Variants in FGF14 observed in about 807,000 individuals in gnomAD.
The protein encoded by FGF14 is fibroblast growth factor 14.
In FGF14, 5 loss-of-function variants were observed where a neutral mutation model predicts 25.5. The observed-to-expected ratio is 0.20, with a 90% CI of 0.10 to 0.41. The LOEUF is 0.41. FGF14 is among the 10% of genes least tolerant of loss of function. The pLI, the probability that FGF14 is intolerant of heterozygous loss-of-function variation, is 1.00. For missense variants in FGF14, 222 were observed against 320.1 expected (o/e 0.69, Z 2.34); for synonymous variants, 138 against 118.3 (o/e 1.17, Z -1.08).
chr13:101,965,431 T>C (rs80038074), intron 1 of FGF14, among the ~76,000 whole-genome samples: 4,969 of 152,156 alleles, frequency 0.033, 112 homozygotes, highest in Non-Finnish European at 0.045. Flanking sequence ...AAAATTTAAA[T>C]GTTGTCAAAT....
chr13:101,832,718 T>G lies in FGF14; in HGVS notation c.408+36007A>C, dbSNP rs528820305. On this transcript the variant is annotated intron_variant, in intron 3 of 4. Transcript: ENST00000376143. The stretch of plus-strand genomic sequence containing the variant: ...CCCTGGCAGTGGGACCACTGCTCCA[T>G]GATAATGATATTGAAGAGTGAAAAG... 2.0e-5 allele frequency among the ~76,000 whole-genome samples: 3 copies of G among 152,106 alleles called. No homozygotes were observed. The South Asian group carries it at 6.2e-4, about 32-fold the overall frequency.
intron 1 of FGF14, among the ~76,000 whole-genome samples, chr13:102,264,816 G>C (rs956591103): frequency 5.3e-5 from 8 of 152,068 alleles, no homozygotes; most frequent in Non-Finnish European, 8.8e-5. Context: ...CAGGAGGAGG[G>C]TATTAGGACA....
intron 3 of FGF14, among the ~76,000 whole-genome samples, chr13:101,801,265 G>A (rs1027522022): frequency 2.6e-5 from 4 of 152,152 alleles, no homozygotes; most frequent in African/African-American, 9.7e-5. Flanking sequence ...TATAAGGAGA[G>A]CTATGCTGCG....
intron 3 of FGF14, among the ~76,000 whole-genome samples, chr13:101,832,523 G>T (rs1190461325): frequency 6.6e-6 from 1 of 152,048 alleles, no homozygotes; most frequent in East Asian, 1.9e-4. Context: ...AAATTGTAGA[G>T]ATCAGCTGGA....
chr13:102,292,379 T>C (rs942854249), intron 1 of FGF14: 2 of 151,190 alleles, frequency 1.3e-5, no homozygotes, highest in East Asian at 3.9e-4. Context: ...TCTTTCAGGA[T>C]ATTACCTTCC....
chr13:101,862,363 C>A (rs1488310496), intron 3 of FGF14, among the ~76,000 whole-genome samples: 1 of 151,150 alleles, frequency 6.6e-6, no homozygotes, highest in Admixed American at 6.6e-5. Context: ...TTTTCCTCTT[C>A]TTTTTCTTAG....
At chr13:101,745,797 A>C (rs73566216) in intron 3 of FGF14, among the ~76,000 whole-genome samples, 3,871 of 152,086 alleles carry the variant, frequency 0.025, 186 homozygotes, top group African/African-American at 0.088. Context: ...AGAAGAGTGG[A>C]GTGTAGGTGG....
At chr13:101,963,978 A>T (rs1341243587) in intron 1 of FGF14, among the ~76,000 whole-genome samples, 4 of 152,258 alleles carry the variant, frequency 2.6e-5, no homozygotes, top group Admixed American at 6.5e-5. Flanking sequence ...TAATAAAAAG[A>T]TATAATAATA....
At chr13:102,111,343 T>G (rs1266930514) in intron 1 of FGF14, among the ~76,000 whole-genome samples, 1 of 152,184 alleles carries the variant, frequency 6.6e-6, no homozygotes, top group Non-Finnish European at 1.5e-5. Context: ...TGGGCAGAGT[T>G]AAGTTTAAAA....
At chr13:101,768,357 G>A (rs1391287147) in intron 3 of FGF14, among the ~76,000 whole-genome samples, 1 of 151,954 alleles carries the variant, frequency 6.6e-6, no homozygotes, top group Non-Finnish European at 1.5e-5. Context: ...ATCTTCATGG[G>A]TAGGAAGACT....
intron 3 of FGF14, among the ~76,000 whole-genome samples, chr13:101,751,977 T>C (rs2037314556): frequency 6.6e-6 from 1 of 152,140 alleles, no homozygotes; most frequent in Non-Finnish European, 1.5e-5. Context: ...GACACATACC[T>C]GTGAGAATAT....
intron 1 of FGF14, among the ~76,000 whole-genome samples, chr13:102,170,849 G>C (rs991072308): frequency 4.6e-5 from 7 of 152,064 alleles, no homozygotes; most frequent in Non-Finnish European, 5.9e-5. Flanking sequence ...ATATTTTTCA[G>C]TTCTAACTTC....
At chr13:102,263,871 A>G (rs1406510981) in intron 1 of FGF14, among the ~76,000 whole-genome samples, 1 of 152,166 alleles carries the variant, frequency 6.6e-6, no homozygotes, top group Non-Finnish European at 1.5e-5. Flanking sequence ...ACCAGGGGAA[A>G]AAAGTTGAGT....
At chr13:101,735,303 G>A (rs571060053) in intron 3 of FGF14, among the ~76,000 whole-genome samples, 5 of 152,138 alleles carry the variant, frequency 3.3e-5, no homozygotes, top group South Asian at 2.1e-4. Flanking sequence ...CAATTTCACT[G>A]AATCACTCAT....
chr13:101,788,965 G>GAGAGATAGAT (rs2040073837), intron 3 of FGF14, among the ~76,000 whole-genome samples: 2 of 80,604 alleles, frequency 2.5e-5, no homozygotes, highest in Non-Finnish European at 5.6e-5. Flanking sequence ...GAGAGAGAGA[G>GAGAGATAGAT]AGAGACAGAG....
At chr13:101,989,823 TA>T in intron 1 of FGF14, among the ~76,000 whole-genome samples, 1 of 152,242 alleles carries the variant, frequency 6.6e-6, no homozygotes, top group East Asian at 1.9e-4. Flanking sequence ...AGGAGTTAAT[TA>T]GAGACTTCAC....
At chr13:102,009,161 G>A (rs1186084174) in intron 1 of FGF14, among the ~76,000 whole-genome samples, 1 of 152,220 alleles carries the variant, frequency 6.6e-6, no homozygotes, top group African/African-American at 2.4e-5. Context: ...GCTTTACCAT[G>A]TACATTTGTC....
intron 1 of FGF14, among the ~76,000 whole-genome samples, chr13:101,887,608 A>C (rs1371462567): frequency 6.6e-6 from 1 of 152,058 alleles, no homozygotes; most frequent in East Asian, 1.9e-4. Context: ...ATAATGAAGA[A>C]AGGTTGTTTA....
chr13:102,117,910 G>A (rs1475054700), intron 1 of FGF14, among the ~76,000 whole-genome samples: 1 of 152,166 alleles, frequency 6.6e-6, no homozygotes, highest in Non-Finnish European at 1.5e-5. Context: ...AATGGGCAGA[G>A]AGGCTAGGGA....
Sources: allele counts gnomAD v4.1 joint callset (sites outside exome capture counted in the v4.1 genomes callset), GRCh38; gene constraint gnomAD v4.1.1; transcripts MANE v1.5; gene names NCBI Gene and HGNC (gene_info 2026-07-23, HGNC 2026-07-21).